Variants in TENM2 observed in about 807,000 individuals in gnomAD.
TENM2 encodes the protein teneurin-2.
Under a neutral mutation model 245.2 loss-of-function variants are expected in TENM2, and 52 were observed. That is an observed-to-expected ratio of 0.21 (90% CI 0.17 to 0.27). The LOEUF (loss-of-function observed/expected upper bound fraction) is 0.27, where lower values mean the gene tolerates loss of function less well. TENM2 is among the 10% of genes least tolerant of loss of function. The probability of loss-of-function intolerance (pLI) is 1.00; values close to 1 mark genes in which losing one functional copy is unlikely to be tolerated. For missense variants in TENM2, 3,046 were observed against 3,666.8 expected (o/e 0.83, Z 4.37); for synonymous variants, 1,363 against 1,438.9 (o/e 0.95, Z 1.19).
At chr5:167,445,369 A>AGAGAGAGAGAGTGAGTGAGT (rs35699708) in intron 2 of TENM2, among the ~76,000 whole-genome samples, 5 of 98,606 alleles carry the variant, frequency 5.1e-5, no homozygotes, top group African/African-American at 2.5e-4. Flanking sequence ...AGAGAGAGAG[A>AGAGAGAGAGAGTGAGTGAGT]GTGTCAGGTG....
At chr5:167,003,666 T>A in the TENM2 span, among the ~76,000 whole-genome samples, 4 of 152,156 alleles carry the variant, frequency 2.6e-5, no homozygotes, top group African/African-American at 9.7e-5. Flanking sequence ...CTTTAAATGA[T>A]AAGAGCAATT....
chr5:167,690,462 G>T (rs555343597), intron 2 of TENM2, among the ~76,000 whole-genome samples: 3 of 151,906 alleles, frequency 2.0e-5, no homozygotes, highest in Non-Finnish European at 2.9e-5. Flanking sequence ...TTACTTATTT[G>T]GGAAGGACTT....
At chr5:168,261,113 C>T (rs1488056572) in intron 28 of TENM2, among the ~76,000 whole-genome samples, 1 of 152,160 alleles carries the variant, frequency 6.6e-6, no homozygotes, top group Admixed American at 6.5e-5. Flanking sequence ...CTCAGTCCTG[C>T]CCCTTGGGGA....
intron 2 of TENM2, among the ~76,000 whole-genome samples, chr5:167,858,622 C>A (rs947731378): frequency 4.0e-5 from 6 of 151,732 alleles, no homozygotes; most frequent in Non-Finnish European, 8.8e-5. Flanking sequence ...TGGTGGTTGG[C>A]GCGGCTGCGC....
At chr5:167,397,118 T>A (rs1762098095) in intron 2 of TENM2, among the ~76,000 whole-genome samples, 1 of 152,160 alleles carries the variant, frequency 6.6e-6, no homozygotes, top group Non-Finnish European at 1.5e-5. Flanking sequence ...TAACACACTG[T>A]AAGAAATCTT....
At chr5:167,434,240 A>G (rs1011393587) in intron 2 of TENM2, among the ~76,000 whole-genome samples, 1 of 151,642 alleles carries the variant, frequency 6.6e-6, no homozygotes, top group Non-Finnish European at 1.5e-5. Flanking sequence ...GCCAACATGG[A>G]GAAACTCCAT....
chr5:167,428,606 T>C (rs1264697771), intron 2 of TENM2, among the ~76,000 whole-genome samples: 1 of 152,158 alleles, frequency 6.6e-6, no homozygotes, highest in Non-Finnish European at 1.5e-5. Flanking sequence ...AAAAGTAAAA[T>C]GATTAATTTG....
chr5:167,313,004 G>C (rs1399814598), intron 1 of TENM2, among the ~76,000 whole-genome samples: 1 of 151,122 alleles, frequency 6.6e-6, no homozygotes, highest in African/African-American at 2.4e-5. Context: ...CTGGGTTCAA[G>C]CAATTCTCCC....
At chr5:166,991,586 G>A in the TENM2 span, among the ~76,000 whole-genome samples, 1 of 152,128 alleles carries the variant, frequency 6.6e-6, no homozygotes, top group Non-Finnish European at 1.5e-5. Flanking sequence ...CTTGATAAAG[G>A]AGCTGGCTAT....
chr5:168,232,583 T>C, intron 25 of TENM2, among the ~76,000 whole-genome samples: 1 of 152,264 alleles, frequency 6.6e-6, no homozygotes, highest in African/African-American at 2.4e-5. Context: ...AGCCTGAACG[T>C]CCCCGGGACT....
intron 1 of TENM2, among the ~76,000 whole-genome samples, chr5:167,371,385 C>T (rs373884802): frequency 1.8e-5 from 2 of 108,918 alleles, no homozygotes; most frequent in Non-Finnish European, 3.6e-5. Context: ...AACGGAGTTT[C>T]GCTCTTGTTG....
chr5:167,747,010 G>A (rs1761635765), intron 2 of TENM2, among the ~76,000 whole-genome samples: 1 of 152,132 alleles, frequency 6.6e-6, no homozygotes, highest in Non-Finnish European at 1.5e-5. Context: ...TCATGTAGAA[G>A]ATGTATATTA....
the TENM2 span, among the ~76,000 whole-genome samples, chr5:167,083,668 G>A: frequency 2.4e-4 from 36 of 152,108 alleles, no homozygotes; most frequent in Non-Finnish European, 4.3e-4. Context: ...GGTCCAATGC[G>A]CACATGGATA....
intron 2 of TENM2, among the ~76,000 whole-genome samples, chr5:167,454,184 A>G (rs1765768346): frequency 6.6e-6 from 1 of 152,182 alleles, no homozygotes; most frequent in African/African-American, 2.4e-5. Flanking sequence ...CCTCAGTAAT[A>G]TAAGAACAGA....
chr5:167,192,732 T>C, the TENM2 span, among the ~76,000 whole-genome samples: 1 of 152,090 alleles, frequency 6.6e-6, no homozygotes, highest in East Asian at 1.9e-4. Context: ...ATATTCGCTA[T>C]GGTTAGGAAA....
chr5:168,064,767 G>A (rs1225023993), intron 7 of TENM2, among the ~76,000 whole-genome samples: 1 of 152,202 alleles, frequency 6.6e-6, no homozygotes, highest in African/African-American at 2.4e-5. Context: ...CTGCCAGTTT[G>A]AAAGTTCACT....
At chr5:167,307,878 T>C (rs1755773990) in intron 1 of TENM2, 1 of 152,298 alleles carries the variant, frequency 6.6e-6, no homozygotes, top group Non-Finnish European at 1.5e-5. Flanking sequence ...GTTGCTATCT[T>C]TTGTGGCTAG....
chr5:168,258,634 C>T (rs1466155020), intron 27 of TENM2, among the ~76,000 whole-genome samples: 10 of 152,134 alleles, frequency 6.6e-5, no homozygotes. Flanking sequence ...AGAAGCCAGA[C>T]ACAAAAGGCC....
At chr5:166,979,194 C>CAGCAGCAGCAGCAGCAGCAGCAGCAG in the TENM2 span, among the ~76,000 whole-genome samples, 3 of 142,044 alleles carry the variant, frequency 2.1e-5, no homozygotes, top group African/African-American at 8.3e-5. Context: ...AGCACCACCA[C>CAGCAGCAGCAGCAGCAGCAGCAGCAG]CAGCAGCAGC....
Sources: allele counts gnomAD v4.1 joint callset (sites outside exome capture counted in the v4.1 genomes callset), GRCh38; gene constraint gnomAD v4.1.1; transcripts MANE v1.5; gene names NCBI Gene and HGNC (gene_info 2026-07-23, HGNC 2026-07-21).